MYO18B: variants seen among roughly 807,000 people sequenced by gnomAD.
MYO18B encodes the protein myosin XVIIIB.
Under a neutral mutation model 273.0 loss-of-function variants are expected in MYO18B, and 204 were observed. The ratio of observed to expected loss-of-function variants is 0.75; its 90% CI spans 0.67 to 0.84. The LOEUF is 0.84. Among genes scored for constraint, MYO18B ranks in the 40% least tolerant of loss-of-function variants. The probability of loss-of-function intolerance (pLI) is 0.00; values close to 1 mark genes in which losing one functional copy is unlikely to be tolerated. For synonymous variants in MYO18B, 1,330 were observed against 1,305.7 expected (o/e 1.02, Z -0.40); for missense variants, 3,212 against 3,287.6 (o/e 0.98, Z 0.56).
At chr22:25,959,364 C>T (rs2092892454) in intron 39 of MYO18B, 1 of 150,908 alleles carries the variant, frequency 6.6e-6, no homozygotes, top group Admixed American at 6.7e-5. Context: ...CCTCCAACTC[C>T]TGGGCATAAG....
intron 40 of MYO18B, among the ~76,000 whole-genome samples, chr22:25,999,944 C>A (rs927682641): frequency 1.3e-5 from 2 of 152,136 alleles, no homozygotes; most frequent in African/African-American, 4.8e-5. Context: ...TGAGCCACCA[C>A]GCCTGGCCAA....
intron 13 of MYO18B, among the ~76,000 whole-genome samples, chr22:25,825,573 T>A (rs1569074451): frequency 6.6e-6 from 1 of 152,128 alleles, no homozygotes; most frequent in Non-Finnish European, 1.5e-5. Flanking sequence ...AGTCCACAAC[T>A]GTAATTATAG....
In MYO18B at chr22:25,792,637, G is replaced by A. The variant is rs150230813; in HGVS notation, c.2377-5316G>A. On this transcript the variant is annotated intron_variant, in intron 11 of 43. Coordinates refer to ENST00000335473, the MANE Select transcript of MYO18B (RefSeq NM_032608.7). ...AGCCTCCCTAGGAGCTGGGACTATAGGTGCGCGCCACCATGCCCAGCTAAT... is the reference window on the plus strand; with the variant it reads ...AGCCTCCCTAGGAGCTGGGACTATAAGTGCGCGCCACCATGCCCAGCTAAT... Among the ~76,000 whole-genome samples, 811 of 151,818 alleles carry A rather than the reference G, an allele frequency of 5.3e-3. 9 individuals are homozygous for A. The highest frequency in any genetic ancestry group is 0.019 in the African/African-American group (785 of 41,410).
chr22:25,970,547 G>A (rs1460896498), intron 39 of MYO18B, among the ~76,000 whole-genome samples: 3 of 152,004 alleles, frequency 2.0e-5, no homozygotes, highest in African/African-American at 4.8e-5. Context: ...CACCTCTGCC[G>A]CCCGCCCGCT....
At chr22:25,822,477 G>A (rs55732852) in intron 12 of MYO18B, among the ~76,000 whole-genome samples, 2,349 of 152,262 alleles carry the variant, frequency 0.015, 32 homozygotes, top group Non-Finnish European at 0.027. Context: ...CTCCCTCAAT[G>A]GACTATAAGC....
intron 12 of MYO18B, among the ~76,000 whole-genome samples, chr22:25,801,616 C>G (rs1177124649): frequency 6.6e-6 from 1 of 152,140 alleles, no homozygotes; most frequent in Admixed American, 6.5e-5. Context: ...ATTTTATAGA[C>G]AAGCAAACAG....
rs372148076 is a variant in MYO18B at position 25,785,880 on chromosome 22, A to G, written c.2376+389A>G. Reference sequence around the variant, plus strand: ...AGGGTTGTTGTGAGGGTGAAATGACATGATGTGTATAACGTGCTTAGAACA... The same window carrying G: ...AGGGTTGTTGTGAGGGTGAAATGACGTGATGTGTATAACGTGCTTAGAACA... On this transcript the variant is annotated intron_variant, in intron 11 of 43. Transcript: ENST00000335473. Among the ~76,000 whole-genome samples, 218 of 152,254 alleles carry G rather than the reference A, an allele frequency of 1.4e-3. 9 individuals carry two copies. The South Asian group carries it at 0.044, about 31-fold the overall frequency.
intron 12 of MYO18B, among the ~76,000 whole-genome samples, chr22:25,807,522 T>A (rs534188182): frequency 5.9e-5 from 9 of 152,254 alleles, no homozygotes; most frequent in African/African-American, 1.9e-4. Context: ...AGTCAACTGG[T>A]GGCTGATGAA....
At chr22:25,997,809 C>T (rs114473736) in intron 40 of MYO18B, among the ~76,000 whole-genome samples, 1,559 of 152,228 alleles carry the variant, frequency 0.01, 28 homozygotes, top group African/African-American at 0.036. Flanking sequence ...CGCTACACTT[C>T]ACTCCTAATT....
the MYO18B span, among the ~76,000 whole-genome samples, chr22:26,063,182 T>G: frequency 6.6e-6 from 1 of 152,172 alleles, no homozygotes; most frequent in Non-Finnish European, 1.5e-5. Flanking sequence ...ACTTGAATGA[T>G]ATTCAGATTA....
intron 39 of MYO18B, chr22:25,983,194 C>T (rs983352951): frequency 7.9e-5 from 12 of 152,026 alleles, no homozygotes; most frequent in Non-Finnish European, 1.6e-4. Flanking sequence ...CATAGTGAGA[C>T]CCCATCTCTA....
At chr22:25,790,238 C>T (rs1314325126) in intron 11 of MYO18B, among the ~76,000 whole-genome samples, 1 of 152,214 alleles carries the variant, frequency 6.6e-6, no homozygotes, top group Non-Finnish European at 1.5e-5. Context: ...CTGCTGTTTC[C>T]CTAATGTCCA....
chr22:25,763,248 G>C lies in MYO18B; in HGVS notation c.57G>C (p.Lys19Asn), dbSNP rs767659652. Residue 19 changes from lysine to asparagine, a missense_variant, in exon 3 of 44, where the codon AAG becomes AAC. Coordinates refer to ENST00000335473, the MANE Select transcript of MYO18B (RefSeq NM_032608.7). ...CAAAACAGATTCGGGAAGAGGACAA[G>C]AGCCCTCCACCATCCTCGCCCCCTC... Reference protein sequence around the residue: ...LWEQKIREEDKSPPPSSPPPL... With the variant: ...LWEQKIREEDNSPPPSSPPPL... 1.1e-5 allele frequency: 17 copies of C among 1,610,362 alleles called. No individual in the cohort carries two copies. The highest frequency in any genetic ancestry group is 1.7e-4 in the Middle Eastern group (1 of 6,032).
At chr22:25,838,851 G>A (rs1425124999) in intron 17 of MYO18B, among the ~76,000 whole-genome samples, 2 of 149,028 alleles carry the variant, frequency 1.3e-5, no homozygotes, top group Admixed American at 1.4e-4. Flanking sequence ...AAATATATGT[G>A]TATGTGTGTG....
At chr22:26,053,369 T>C in the MYO18B span, among the ~76,000 whole-genome samples, 2 of 152,176 alleles carry the variant, frequency 1.3e-5, no homozygotes, top group African/African-American at 4.8e-5. Flanking sequence ...TTACTATACC[T>C]ATTTTACAGA....
intron 20 of MYO18B, among the ~76,000 whole-genome samples, chr22:25,849,875 A>G (rs529666769): frequency 2.3e-4 from 35 of 152,350 alleles, no homozygotes; most frequent in African/African-American, 8.2e-4. Flanking sequence ...CACTTTTACT[A>G]TAATTGTCAT....
At chr22:25,851,033 G>A (rs1450077664) in intron 20 of MYO18B, among the ~76,000 whole-genome samples, 2 of 152,186 alleles carry the variant, frequency 1.3e-5, no homozygotes, top group African/African-American at 4.8e-5. Flanking sequence ...TTCACATACA[G>A]TGTATGGGGT....
At chr22:26,056,816 G>T in the MYO18B span, among the ~76,000 whole-genome samples, 1 of 152,216 alleles carries the variant, frequency 6.6e-6, no homozygotes, top group Non-Finnish European at 1.5e-5. Flanking sequence ...GACTAGGAAA[G>T]AATGGCTTTT....
At position 26,004,711 on chromosome 22, in the gene MYO18B, A is replaced by G; in HGVS notation, c.6333-7A>G. ...TGTGCTGATGGTGTCCTGCAATCTT[A>G]TTCTAGGGATAACGTCTCCATCCTC... On this transcript the variant is annotated splice_polypyrimidine_tract_variant and splice_region_variant and intron_variant, in intron 41 of 43. Coordinates refer to ENST00000335473, the MANE Select transcript of MYO18B (RefSeq NM_032608.7). 6.2e-7 allele frequency: 1 copy of G among 1,613,382 alleles called. No individual in the cohort carries two copies. Among genetic ancestry groups the G allele is most frequent in the Non-Finnish European group, 8.5e-7 (1 of 1,179,586 alleles).
Sources: allele counts gnomAD v4.1 joint callset (sites outside exome capture counted in the v4.1 genomes callset), GRCh38; gene constraint gnomAD v4.1.1; transcripts MANE v1.5; gene names NCBI Gene and HGNC (gene_info 2026-07-23, HGNC 2026-07-21).